The following PIK3R6 variants were observed in gnomAD, a reference collection of about 807,000 sequenced individuals.
PIK3R6 encodes phosphoinositide-3-kinase regulatory subunit 6, also known as phosphoinositide 3-kinase regulatory subunit 6.
In PIK3R6, 91 loss-of-function variants were observed where a neutral mutation model predicts 84.9. The observed-to-expected ratio is 1.07, with a 90% confidence interval of 0.90 to 1.28. The LOEUF (loss-of-function observed/expected upper bound fraction) is 1.28, where lower values mean the gene tolerates loss of function less well. Ranked by LOEUF, PIK3R6 falls within the 50% of genes most tolerant of loss-of-function variation. The pLI is 0.00. For missense variants in PIK3R6, 996 were observed against 985.1 expected, an observed-to-expected ratio of 1.01 and a Z score of -0.15; for synonymous variants, 416 against 411.4, an observed-to-expected ratio of 1.01 and a Z score of -0.13.
chr17:8,849,513 A>G (rs950119222), intron 2 of PIK3R6, among the ~76,000 whole-genome samples: 2 of 152,238 alleles, frequency 1.3e-5, no homozygotes, highest in Non-Finnish European at 2.9e-5. Context: ...TTAAATAGTC[A>G]CAAGTATTTG....
rs555709952 is a variant in PIK3R6 at position 8,848,640 on chromosome 17, G to A, written c.13+1142C>T. Among the ~76,000 whole-genome samples the A allele has an allele frequency of 1.4e-4, 21 of 152,304 alleles. No individual in the cohort carries two copies. The South Asian group carries it at 3.5e-3, about 26-fold the overall frequency. On this transcript the variant is annotated intron_variant, in intron 2 of 19. Transcript: ENST00000619866. ...GGGACCGCTGCTGTTTATAAGGCTCGTCGTTGACCAAAACATTGCCAATAT... is the reference window on the plus strand; with the variant it reads ...GGGACCGCTGCTGTTTATAAGGCTCATCGTTGACCAAAACATTGCCAATAT...
intron 15 of PIK3R6, 119 bp downstream of exon 15, chr17:8,822,877 A>G: frequency 9.9e-7 from 1 of 1,007,762 alleles, no homozygotes; most frequent in Non-Finnish European, 1.6e-6. Flanking sequence ...TAGGGAACAG[A>G]GCAGGGACAA....
At chr17:8,815,034 G>C (rs9899743) in intron 18 of PIK3R6, among the ~76,000 whole-genome samples, 2,445 of 152,228 alleles carry the variant, frequency 0.016, 40 homozygotes, top group African/African-American at 0.041. Flanking sequence ...AATCCAGACA[G>C]AATCGACAAA....
chr17:8,835,579 G>T, intron 7 of PIK3R6, 123 bp from the exon 8 acceptor site: 1 of 846,724 alleles, frequency 1.2e-6, no homozygotes, highest in Non-Finnish European at 1.7e-6. Context: ...AAAAAGAGGA[G>T]TCTCAGATTC....
At chr17:8,826,897 C>A (rs913358767) in intron 13 of PIK3R6, among the ~76,000 whole-genome samples, 1 of 152,152 alleles carries the variant, frequency 6.6e-6, no homozygotes, top group African/African-American at 2.4e-5. Context: ...TATTTTACTT[C>A]GTCTTTTCCA....
intron 10 of PIK3R6, 134 bp from the exon 11 acceptor site, chr17:8,829,124 T>G: frequency 3.5e-6 from 3 of 851,444 alleles, no homozygotes; most frequent in Non-Finnish European, 5.2e-6. Flanking sequence ...CATATGAACA[T>G]GCACAGAGAC....
chr17:8,838,479 T>C lies in PIK3R6; in HGVS notation c.189+85A>G, dbSNP rs543165766. ...GCAGGCAACCAAAGCTTATGAGATA[T>C]AGCGCTGCCAGGACTGAGCCCCTGC... On this transcript the variant is annotated intron_variant, in intron 4 of 19. Transcript: ENST00000619866. 25 of 1,243,046 alleles carry C rather than the reference T, an allele frequency of 2.0e-5. No individual in the cohort carries two copies. The East Asian group carries it at 4.1e-4, about 20-fold the overall frequency. 77.0% of individuals were successfully genotyped at this position (1,243,046 alleles called of 1,614,324 possible).
intron 1 of PIK3R6, among the ~76,000 whole-genome samples, chr17:8,851,187 A>C (rs558201025): frequency 4.9e-4 from 75 of 151,828 alleles, no homozygotes; most frequent in African/African-American, 1.5e-3. Context: ...ATACAGAAAA[A>C]AAAAACAAAA....
intron 1 of PIK3R6, among the ~76,000 whole-genome samples, chr17:8,855,728 T>A (rs2089121716): frequency 6.6e-6 from 1 of 152,224 alleles, no homozygotes; most frequent in African/African-American, 2.4e-5. Context: ...TTCTCATACG[T>A]TACTGGTGAG....
At position 8,827,239 on chromosome 17, in the gene PIK3R6, C is replaced by T. The variant is rs377482005; in HGVS notation, c.1448G>A (p.Arg483His). 3.9e-5 allele frequency: 62 copies of T among 1,593,968 alleles called. No individual in the cohort carries two copies. The highest frequency in any genetic ancestry group is 1.1e-4 in the African/African-American group (8 of 74,490). The change falls in exon 13 of 20, where the codon CGC becomes CAC. Residue 483 changes from arginine to histidine, a missense_variant. Physicochemically the swap from Arg to His is conservative, Grantham distance 29 (BLOSUM62 0). Coordinates refer to ENST00000619866, the MANE Select transcript of PIK3R6 (RefSeq NM_001010855.4). The part of the protein sequence containing the change: ...ELGELATFLG[R>H]VDPWYQSNVN... ...GTTGCTCTGGTACCACGGGTCTACG[C>T]GGCCCAGGAACGTAGCCAGCTCTCC...
chr17:8,828,286 T>TTG, intron 11 of PIK3R6, 96 bp from the exon 12 acceptor site: 1 of 1,288,058 alleles, frequency 7.8e-7, no homozygotes, highest in Non-Finnish European at 1.1e-6. Flanking sequence ...CTTGGGCAAT[T>TTG]TGTGTCATCT....
chr17:8,818,617 C>A (rs938895852), intron 18 of PIK3R6, among the ~76,000 whole-genome samples: 3 of 152,094 alleles, frequency 2.0e-5, no homozygotes, highest in Non-Finnish European at 4.4e-5. Context: ...CCACTGCACT[C>A]CAGCCTGGGT....
rs578202688 is a variant in PIK3R6, at chr17:8,839,393, C to T, written c.97+221G>A. Among the ~76,000 whole-genome samples, 1 of 152,120 alleles carries T rather than the reference C, an allele frequency of 6.6e-6. No homozygotes were observed. The highest frequency in any genetic ancestry group is 1.5e-5 in the Non-Finnish European group (1 of 67,984). ...AGGAAAGAAAAAGGGTGGCAGATCCCCAATGTGCTCTGTGGCAGTTGCTGG... is the reference window on the plus strand; with the variant it reads ...AGGAAAGAAAAAGGGTGGCAGATCCTCAATGTGCTCTGTGGCAGTTGCTGG... On this transcript the variant is annotated intron_variant, in intron 3 of 19. Transcript: ENST00000619866. This position sits in a 1 kb window ranked among gnomAD's most constrained non-coding sequence, Gnocchi z 4.2.
intron 1 of PIK3R6, among the ~76,000 whole-genome samples, chr17:8,852,454 G>A (rs189837342): frequency 1.3e-5 from 2 of 152,204 alleles, no homozygotes; most frequent in Admixed American, 1.3e-4. Context: ...AAATGAGAGT[G>A]GCAGGCCAGG....
intron 18 of PIK3R6, among the ~76,000 whole-genome samples, chr17:8,807,460 G>T (rs976476299): frequency 1.3e-5 from 2 of 152,204 alleles, no homozygotes; most frequent in Non-Finnish European, 2.9e-5. Flanking sequence ...GAGCACAGAG[G>T]TGGTACACTT....
rs1444614067 is a variant in PIK3R6 at position 8,849,899 on chromosome 17, G to T, written c.-91-14C>A. On this transcript the variant is annotated splice_polypyrimidine_tract_variant and intron_variant, in intron 1 of 19. Coordinates refer to ENST00000619866, the MANE Select transcript of PIK3R6 (RefSeq NM_001010855.4). ...ACAGAGGTGGTTCTGCAAAATAAGA[G>T]GTAGTTAATTAGTGGAAGCAGTGGG... 3 of 1,461,222 alleles carry T rather than the reference G, an allele frequency of 2.1e-6. No homozygotes were observed. The African/African-American group carries it at 4.2e-5, about 21-fold the overall frequency. 90.5% of individuals were successfully genotyped at this position (1,461,222 alleles called of 1,614,324 possible).
intron 7 of PIK3R6, among the ~76,000 whole-genome samples, chr17:8,835,936 C>T (rs1323133528): frequency 1.3e-5 from 2 of 152,124 alleles, no homozygotes; most frequent in African/African-American, 4.8e-5. Context: ...CCATGGGTGC[C>T]CTGGGCCTCC....
At chr17:8,864,527 C>CTGTT (rs1491472760) in intron 1 of PIK3R6, among the ~76,000 whole-genome samples, 2 of 126,878 alleles carry the variant, frequency 1.6e-5, no homozygotes, top group African/African-American at 6.4e-5. Context: ...TCCTTCACAG[C>CTGTT]TCTTTTTTTT....
chr17:8,854,220 C>G (rs1262555000), intron 1 of PIK3R6, among the ~76,000 whole-genome samples: 1 of 151,954 alleles, frequency 6.6e-6, no homozygotes, highest in Non-Finnish European at 1.5e-5. Context: ...GTGATCTTGG[C>G]TCACTGCAAC....
Sources: gnomAD v4.1 joint callset for allele counts (sites outside exome capture counted in the v4.1 genomes callset) on GRCh38, gnomAD v4.1.1 for gene constraint, Gnocchi (gnomAD v3.1) non-coding constraint, MANE v1.5 for transcripts, NCBI Gene and HGNC (gene_info 2026-07-23, HGNC 2026-07-21) for gene names.